The following ANLN variants were observed in gnomAD, a reference collection of about 807,000 sequenced individuals.
ANLN encodes the protein anillin.
Under a neutral mutation model 135.1 loss-of-function variants are expected in ANLN, and 59 were observed. The ratio of observed to expected loss-of-function variants is 0.44; its 90% confidence interval spans 0.35 to 0.54. The LOEUF (loss-of-function observed/expected upper bound fraction) is 0.54. Among genes scored for constraint, ANLN ranks in the 20% least tolerant of loss-of-function variants. The probability of loss-of-function intolerance (pLI) is 0.00; values close to 1 mark genes in which losing one functional copy is unlikely to be tolerated. For missense variants in ANLN, 1,182 were observed against 1,340.0 expected, an observed-to-expected ratio of 0.88 and a Z score of 1.84; for synonymous variants, 406 against 456.4, an observed-to-expected ratio of 0.89 and a Z score of 1.41.
chr7:36,424,827 T>C, intron 17 of ANLN, 85 bp downstream of exon 17: 1 of 1,372,890 alleles, frequency 7.3e-7, no homozygotes, highest in Non-Finnish European at 1.0e-6. Flanking sequence ...GTACAACTTT[T>C]AATGATTAGG....
chr7:36,432,175 AGCTATGATCAC>A lies in ANLN; in HGVS notation c.2883+5150_2883+5160del, dbSNP rs1378065480. On this transcript the variant is annotated intron_variant, in intron 20 of 23. Transcript: ENST00000265748. ...AGTTCAGAAGTTCAAGGCTGCAGTG[AGCTATGATCAC>A]GCCACTGCACTTCAGCCTGAGTGAC... 2.6e-5 allele frequency among the ~76,000 whole-genome samples: 4 copies of A among 152,192 alleles called. No individual in the cohort carries two copies. In the East Asian group the frequency reaches 7.7e-4, roughly 29 times the overall value.
At chr7:36,426,167 T>C (rs1398206976) in intron 19 of ANLN, 131 bp downstream of exon 19, 7 of 702,292 alleles carry the variant, frequency 1.0e-5, no homozygotes, top group Non-Finnish European at 1.5e-5. Flanking sequence ...ATATTTTCTA[T>C]GTGAGTTTCT....
At chr7:36,420,477 G>A (rs1306733362) in intron 11 of ANLN, 120 bp from the exon 12 acceptor site, 8 of 1,253,860 alleles carry the variant, frequency 6.4e-6, no homozygotes, top group African/African-American at 3.0e-5. Context: ...GTTCCATTCT[G>A]TTGTGAAATG....
intron 1 of ANLN, among the ~76,000 whole-genome samples, chr7:36,395,275 G>A (rs1786648324): frequency 6.6e-6 from 1 of 152,180 alleles, no homozygotes; most frequent in South Asian, 2.1e-4. Context: ...GTTTCTTCTG[G>A]AGGCTGTAGG....
rs2116573554 is a variant in ANLN, at chr7:36,406,273, A to C, written c.580A>C (p.Thr194Pro). ...PRPLLSNASA[T>P]PVGRRGRLAN... Reference sequence around the variant, plus strand: ...ACCTCTGCTTTCAAATGCCTCGGCAACTCCAGTTGGCAGAAGGGGCCGTCT... The same window carrying C: ...ACCTCTGCTTTCAAATGCCTCGGCACCTCCAGTTGGCAGAAGGGGCCGTCT... Residue 194 changes from threonine to proline, a missense_variant, in exon 4 of 24, where the codon ACT becomes CCT. Around this residue, in one of 3 missense-constraint regions of ANLN, gnomAD observed 1,022 missense variants for 1,134.0 expected, o/e 0.90. Transcript: ENST00000265748. 6.2e-7 allele frequency: 1 copy of C among 1,614,144 alleles called. No individual in the cohort carries two copies. The highest frequency in any genetic ancestry group is 1.1e-5 in the South Asian group (1 of 91,082).
intron 20 of ANLN, among the ~76,000 whole-genome samples, chr7:36,431,800 A>T (rs1248967092): frequency 1.3e-5 from 2 of 151,660 alleles, no homozygotes; most frequent in East Asian, 3.9e-4. Flanking sequence ...ACCTTTACAC[A>T]AAACAGGAGT....
chr7:36,427,447 C>T (rs1788131786), intron 20 of ANLN, among the ~76,000 whole-genome samples: 1 of 152,022 alleles, frequency 6.6e-6, no homozygotes, highest in African/African-American at 2.4e-5. Context: ...ACTGAAGCCT[C>T]AGCCTCGCGG....
intron 20 of ANLN, among the ~76,000 whole-genome samples, chr7:36,435,956 G>A (rs995210805): frequency 7.1e-6 from 1 of 140,538 alleles, no homozygotes; most frequent in African/African-American, 2.6e-5. Flanking sequence ...AAAAAATAAT[G>A]TATTGAAATG....
At chr7:36,451,930 C>A (rs1686567346) in intron 23 of ANLN, among the ~76,000 whole-genome samples, 1 of 152,174 alleles carries the variant, frequency 6.6e-6, no homozygotes, top group Non-Finnish European at 1.5e-5. Flanking sequence ...TTAGGATAGA[C>A]AAAGTCTTAG....
Position 36,420,485 on chromosome 7 carries a change from A to G in ANLN, c.2016-112A>G, listed in dbSNP as rs938311190. 2.6e-5 allele frequency: 33 copies of G among 1,266,014 alleles called. No homozygotes were observed. The East Asian group carries it at 6.8e-4, about 26-fold the overall frequency. 78.4% of individuals were successfully genotyped at this position (1,266,014 alleles called of 1,614,324 possible). The stretch of plus-strand genomic sequence containing the variant: ...AATGAGAGTTCCATTCTGTTGTGAA[A>G]TGTTCTGCTGACATGTTCAATATCA... On this transcript the variant is annotated intron_variant, in intron 11 of 23. Transcript: ENST00000265748.
chr7:36,407,592 T>C lies in ANLN; in HGVS notation c.874-142T>C, dbSNP rs991310786. ...TTTTCCCAAATCTTTCAAATTTGTT[T>C]GATCTATTAGAGAGCAAAATCATTT... is the stretch of plus-strand genomic sequence containing the variant. On this transcript the variant is annotated intron_variant, in intron 4 of 23. Transcript: ENST00000265748. 1.3e-5 allele frequency: 8 copies of C among 635,810 alleles called. No individual in the cohort carries two copies. The African/African-American group carries it at 1.5e-4, about 12-fold the overall frequency. 39.4% of individuals were successfully genotyped at this position (635,810 alleles called of 1,614,324 possible).
chr7:36,428,355 GA>G, intron 20 of ANLN: 1 of 1,284,072 alleles, frequency 7.8e-7, no homozygotes, highest in Non-Finnish European at 1.0e-6. Flanking sequence ...TTTGTTCCAG[GA>G]AAAGGTTGCC....
chr7:36,406,109 A>T (rs1787174796), intron 3 of ANLN, 72 bp from the exon 4 acceptor site: 1 of 1,436,442 alleles, frequency 7.0e-7, no homozygotes, highest in East Asian at 2.3e-5. Context: ...TTCAGCATAG[A>T]GTGATCCTGG....
intron 7 of ANLN, among the ~76,000 whole-genome samples, chr7:36,412,385 A>T (rs1451156860): frequency 2.8e-5 from 4 of 144,372 alleles, no homozygotes; most frequent in African/African-American, 1.0e-4. Flanking sequence ...CTGGAGTGCA[A>T]TGGCACGATC....
chr7:36,394,052 C>CTGAAGTA (rs1786591335), intron 1 of ANLN, among the ~76,000 whole-genome samples: 1 of 152,104 alleles, frequency 6.6e-6, no homozygotes, highest in Non-Finnish European at 1.5e-5. Flanking sequence ...AACTCCTGGG[C>CTGAAGTA]TGAAGTAATC....
At chr7:36,402,447 T>C (rs892254959) in intron 3 of ANLN, among the ~76,000 whole-genome samples, 5 of 152,138 alleles carry the variant, frequency 3.3e-5, no homozygotes, top group Admixed American at 6.5e-5. Flanking sequence ...TTCTAACTGG[T>C]CTTCCTGCTT....
Position 36,410,925 on chromosome 7 carries a change from A to G in ANLN, c.1288-134A>G, listed in dbSNP as rs1225945616. On this transcript the variant is annotated intron_variant, in intron 6 of 23. Coordinates refer to ENST00000265748, the MANE Select transcript of ANLN (RefSeq NM_018685.5). ...TATTGTCCTGAATTCCATGTGTATT[A>G]TGAACTTTTTAAACTGAAAACTGTT... The G allele has an allele frequency of 3.3e-6, 3 of 909,786 alleles. No homozygotes were observed. The African/African-American group carries it at 5.1e-5, about 15-fold the overall frequency. 56.4% of individuals were successfully genotyped at this position (909,786 alleles called of 1,614,324 possible).
intron 1 of ANLN, chr7:36,390,317 G>GT: frequency 1.9e-6 from 1 of 527,840 alleles, no homozygotes; most frequent in Non-Finnish European, 3.4e-6. Context: ...TTCAGCCCCC[G>GT]TTTTTACCAT....
rs60232345 is a variant in ANLN at position 36,391,250 on chromosome 7, C to T, written c.18+1206C>T. Among the ~76,000 whole-genome samples the T allele has an allele frequency of 4.2e-3, 637 of 152,266 alleles. 6 individuals are homozygous for T. Among genetic ancestry groups the T allele is most frequent in the African/African-American group, 0.015 (605 of 41,548 alleles). On this transcript the variant is annotated intron_variant, in intron 1 of 23. Transcript: ENST00000265748. ...ATAGGGCTGGTCATGCACCAAGTATCTTTCACTTACACTGAGGTCGAAAAG... is the reference window on the plus strand; with the variant it reads ...ATAGGGCTGGTCATGCACCAAGTATTTTTCACTTACACTGAGGTCGAAAAG...
Sources: allele counts gnomAD v4.1 joint callset (sites outside exome capture counted in the v4.1 genomes callset), GRCh38; gene constraint gnomAD v4.1.1; regional missense constraint gnomAD v4.1.1; transcripts MANE v1.5; gene names NCBI Gene and HGNC (gene_info 2026-07-23, HGNC 2026-07-21).